TENM2: variants seen among roughly 807,000 people sequenced by gnomAD.
TENM2 encodes the protein teneurin transmembrane protein 2, also known as teneurin-2.
TENM2 carries 52 observed loss-of-function variants against 245.2 expected under a neutral mutation model. The observed-to-expected ratio is 0.21, with a 90% confidence interval of 0.17 to 0.27. TENM2 has a LOEUF of 0.27. TENM2 is among the 10% of genes least tolerant of loss of function. The pLI, the probability that TENM2 is intolerant of heterozygous loss-of-function variation, is 1.00. For missense variants in TENM2, 3,046 were observed against 3,666.8 expected, an observed-to-expected ratio of 0.83 and a Z score of 4.37; for synonymous variants, 1,363 against 1,438.9, an observed-to-expected ratio of 0.95 and a Z score of 1.19.
chr5:167,228,729 G>C, the TENM2 span, among the ~76,000 whole-genome samples: 6 of 150,730 alleles, frequency 4.0e-5, no homozygotes, highest in Non-Finnish European at 8.8e-5. Context: ...TTTTGAGATG[G>C]AGTCTCGCTC....
chr5:167,258,057 C>G, the TENM2 span, among the ~76,000 whole-genome samples: 1 of 151,714 alleles, frequency 6.6e-6, no homozygotes, highest in African/African-American at 2.4e-5. Flanking sequence ...ACATAGAACA[C>G]CATTTCAAAA....
the TENM2 span, among the ~76,000 whole-genome samples, chr5:167,274,946 G>A: frequency 6.6e-6 from 1 of 151,920 alleles, no homozygotes; most frequent in Non-Finnish European, 1.5e-5. Flanking sequence ...ATTCCTGTCT[G>A]TAGATTGTCC....
At chr5:168,014,204 G>A (rs931479443) in intron 5 of TENM2, among the ~76,000 whole-genome samples, 2 of 152,116 alleles carry the variant, frequency 1.3e-5, no homozygotes, top group South Asian at 4.2e-4. Flanking sequence ...AATAGTAATG[G>A]CGATAGTTAA....
chr5:168,110,159 T>C (rs769344487), intron 9 of TENM2, among the ~76,000 whole-genome samples: 1 of 150,334 alleles, frequency 6.7e-6, no homozygotes, highest in Non-Finnish European at 1.5e-5. Flanking sequence ...GCTAGGGGAA[T>C]CCTGTGGTTT....
chr5:168,151,888 T>C (rs1462180282), intron 12 of TENM2, among the ~76,000 whole-genome samples: 2 of 152,320 alleles, frequency 1.3e-5, no homozygotes, highest in African/African-American at 2.4e-5. Flanking sequence ...CCTCACTCCC[T>C]GTTTTCAATG....
chr5:167,769,432 A>G (rs1330636928), intron 2 of TENM2, among the ~76,000 whole-genome samples: 1 of 152,202 alleles, frequency 6.6e-6, no homozygotes, highest in Non-Finnish European at 1.5e-5. Context: ...TTGGCTAATG[A>G]TAATTTCTGT....
At chr5:166,993,440 T>C in the TENM2 span, among the ~76,000 whole-genome samples, 1 of 152,114 alleles carries the variant, frequency 6.6e-6, no homozygotes, top group Non-Finnish European at 1.5e-5. Context: ...AGCCCACTAA[T>C]AGCTCAGCCC....
chr5:167,186,946 A>G, the TENM2 span, among the ~76,000 whole-genome samples: 3 of 152,158 alleles, frequency 2.0e-5, no homozygotes, highest in Non-Finnish European at 4.4e-5. Context: ...AACTCACCTT[A>G]TGTCTTCTGC....
chr5:167,428,503 C>CT (rs1323994061), intron 2 of TENM2, among the ~76,000 whole-genome samples: 1 of 152,038 alleles, frequency 6.6e-6, no homozygotes, highest in Non-Finnish European at 1.5e-5. Context: ...TTCTTTCTTC[C>CT]TTTTTTATTT....
the TENM2 span, among the ~76,000 whole-genome samples, chr5:167,262,293 G>T: frequency 5.9e-5 from 9 of 151,926 alleles, no homozygotes; most frequent in African/African-American, 2.2e-4. Flanking sequence ...GGGAGGCGGA[G>T]GTTGCAGTGG....
chr5:167,764,540 G>C (rs1041687657), intron 2 of TENM2, among the ~76,000 whole-genome samples: 2 of 152,172 alleles, frequency 1.3e-5, no homozygotes, highest in African/African-American at 4.8e-5. Flanking sequence ...AAGCTAGAGA[G>C]AGTTCCCACT....
intron 2 of TENM2, among the ~76,000 whole-genome samples, chr5:167,482,226 A>AT (rs971546351): frequency 1.3e-5 from 2 of 152,090 alleles, no homozygotes; most frequent in African/African-American, 4.8e-5. Context: ...TCTCTAGACT[A>AT]TTTTTTTAAA....
At chr5:167,415,907 AG>A (rs1763145633) in intron 2 of TENM2, among the ~76,000 whole-genome samples, 1 of 152,154 alleles carries the variant, frequency 6.6e-6, no homozygotes, top group Non-Finnish European at 1.5e-5. Context: ...TGGCTGGATC[AG>A]TACAGTGAGA....
chr5:167,767,282 G>GA (rs1182027952), intron 2 of TENM2, among the ~76,000 whole-genome samples: 6 of 152,152 alleles, frequency 3.9e-5, no homozygotes, highest in Non-Finnish European at 7.3e-5. Flanking sequence ...TATGCCAATT[G>GA]AAAAAACCAG....
intron 2 of TENM2, among the ~76,000 whole-genome samples, chr5:167,528,091 C>T (rs1295914090): frequency 6.6e-6 from 1 of 152,060 alleles, no homozygotes; most frequent in Non-Finnish European, 1.5e-5. Context: ...TTCATATTGC[C>T]TTTTTTTAAG....
At chr5:167,365,670 A>G (rs1445283958) in intron 1 of TENM2, among the ~76,000 whole-genome samples, 1 of 152,028 alleles carries the variant, frequency 6.6e-6, no homozygotes, top group Non-Finnish European at 1.5e-5. Context: ...ATATTACCTC[A>G]GAAGTCTTTA....
chr5:167,200,707 C>T, the TENM2 span, among the ~76,000 whole-genome samples: 2 of 152,110 alleles, frequency 1.3e-5, no homozygotes, highest in African/African-American at 4.8e-5. Context: ...GTGTGTGAGG[C>T]AATCCAAGTG....
rs146495636 is a variant in TENM2, at chr5:167,614,889, A to G, written c.502+239416A>G. On this transcript the variant is annotated intron_variant, in intron 2 of 28. Coordinates refer to ENST00000518659, the Ensembl canonical transcript of TENM2. ...CATTCTTCCACAAGGCAAGCAGGAA[A>G]CCCTCCTAGAGTGTGAGAGAGGGTG... 5.3e-3 allele frequency among the ~76,000 whole-genome samples: 801 copies of G among 151,842 alleles called. 6 individuals carry two copies. The highest frequency in any genetic ancestry group is 0.018 in the African/African-American group (761 of 41,396).
the TENM2 span, among the ~76,000 whole-genome samples, chr5:167,121,122 T>TTG: frequency 6.6e-6 from 1 of 152,072 alleles, no homozygotes; most frequent in East Asian, 1.9e-4. Context: ...CCAGGTTGCT[T>TTG]TGTGTGTGTG....
Sources: gnomAD v4.1 joint callset for allele counts (sites outside exome capture counted in the v4.1 genomes callset) on GRCh38, gnomAD v4.1.1 for gene constraint, MANE v1.5 for transcripts, NCBI Gene and HGNC (gene_info 2026-07-23, HGNC 2026-07-21) for gene names.